CTNND2: variants seen among roughly 807,000 people sequenced by gnomAD.
The protein encoded by CTNND2 is catenin delta 2.
In CTNND2, 22 loss-of-function variants were observed where a neutral mutation model predicts 144.4. The ratio of observed to expected loss-of-function variants is 0.15; its 90% CI spans 0.11 to 0.22. CTNND2 has a LOEUF of 0.22. Ranked by LOEUF, CTNND2 falls within the 10% of genes least tolerant of loss-of-function variation. CTNND2 has a pLI of 1.00. For synonymous variants in CTNND2, 751 were observed against 695.6 expected (o/e 1.08, Z -1.25); for missense variants, 1,353 against 1,618.8 (o/e 0.84, Z 2.82).
chr5:11,428,067 G>A (rs867051076), intron 3 of CTNND2, among the ~76,000 whole-genome samples: 5 of 152,158 alleles, frequency 3.3e-5, no homozygotes, highest in Admixed American at 6.5e-5. Flanking sequence ...TCACCACCAC[G>A]AGAACAGCAT....
chr5:11,581,259 T>C (rs867376525), intron 2 of CTNND2, among the ~76,000 whole-genome samples: 13 of 152,174 alleles, frequency 8.5e-5, no homozygotes, highest in African/African-American at 3.1e-4. Context: ...TTTTTATTTT[T>C]TTATCTTATA....
chr5:11,341,858 A>G (rs1156784540), intron 9 of CTNND2, among the ~76,000 whole-genome samples: 1 of 151,984 alleles, frequency 6.6e-6, no homozygotes, highest in African/African-American at 2.4e-5. Context: ...AAATAATAAA[A>G]ACAATTTAAC....
intron 6 of CTNND2, among the ~76,000 whole-genome samples, chr5:11,387,767 C>T (rs1561319338): frequency 2.6e-5 from 4 of 152,266 alleles, no homozygotes; most frequent in African/African-American, 4.8e-5. Context: ...AGTACACTAA[C>T]GATGCCATTA....
intron 9 of CTNND2, among the ~76,000 whole-genome samples, chr5:11,262,116 G>C (rs1744917243): frequency 1.3e-5 from 2 of 152,090 alleles, no homozygotes; most frequent in African/African-American, 4.8e-5. Context: ...TACCAATCGA[G>C]ACGTAAGTTG....
At chr5:11,044,176 T>C (rs530684234) in intron 16 of CTNND2, among the ~76,000 whole-genome samples, 14 of 152,270 alleles carry the variant, frequency 9.2e-5, no homozygotes, top group Middle Eastern at 6.8e-3. Flanking sequence ...TTGGTAAGAA[T>C]GACTTCCTAG....
chr5:11,232,007 G>A (rs1310633503), intron 10 of CTNND2, among the ~76,000 whole-genome samples: 2 of 152,238 alleles, frequency 1.3e-5, no homozygotes, highest in Non-Finnish European at 2.9e-5. Flanking sequence ...CAGAGGGTGT[G>A]AGCCCCAAGC....
At chr5:11,176,156 CATT>C (rs937668767) in intron 11 of CTNND2, among the ~76,000 whole-genome samples, 110 of 152,258 alleles carry the variant, frequency 7.2e-4, no homozygotes, top group African/African-American at 2.6e-3. Context: ...TGCCCAATAT[CATT>C]ATTTTTCCTT....
chr5:11,703,088 G>A (rs1405266078), intron 2 of CTNND2, among the ~76,000 whole-genome samples: 1 of 152,200 alleles, frequency 6.6e-6, no homozygotes, highest in African/African-American at 2.4e-5. Flanking sequence ...CAGTGGGCTG[G>A]CTGGGGTTAA....
At chr5:11,000,260 CG>C (rs1739801519) in intron 18 of CTNND2, among the ~76,000 whole-genome samples, 1 of 152,222 alleles carries the variant, frequency 6.6e-6, no homozygotes, top group African/African-American at 2.4e-5. Context: ...CAGTGGCTCA[CG>C]CCTGTAATCC....
intron 3 of CTNND2, among the ~76,000 whole-genome samples, chr5:11,550,919 G>T (rs1363355124): frequency 6.6e-6 from 1 of 152,148 alleles, no homozygotes; most frequent in East Asian, 1.9e-4. Context: ...TCCCAATCCT[G>T]CCCTGTGTCC....
At chr5:11,647,715 C>T (rs1025945401) in intron 2 of CTNND2, among the ~76,000 whole-genome samples, 23 of 152,110 alleles carry the variant, frequency 1.5e-4, no homozygotes, top group Admixed American at 6.6e-5. Context: ...CTCAAGGTTG[C>T]ATCAGGACCT....
intron 1 of CTNND2, among the ~76,000 whole-genome samples, chr5:11,814,800 G>A (rs146853401): frequency 0.016 from 2,433 of 152,264 alleles, 22 homozygotes; most frequent in South Asian, 0.027. Flanking sequence ...AAGGATAGCA[G>A]AATAGCAACA....
chr5:11,163,690 T>A (rs1305601110), intron 11 of CTNND2, among the ~76,000 whole-genome samples: 2 of 152,142 alleles, frequency 1.3e-5, no homozygotes, highest in Non-Finnish European at 2.9e-5. Context: ...CTTACCTAAA[T>A]CCACTTGTTC....
intron 8 of CTNND2, among the ~76,000 whole-genome samples, chr5:11,364,397 T>C (rs866630151): frequency 6.6e-6 from 1 of 152,272 alleles, no homozygotes; most frequent in South Asian, 2.1e-4. Context: ...TTAGATTCAT[T>C]ACGTAAGTGA....
intron 15 of CTNND2, among the ~76,000 whole-genome samples, chr5:11,085,335 T>C (rs1050454066): frequency 1.3e-5 from 2 of 152,216 alleles, no homozygotes; most frequent in African/African-American, 4.8e-5. Flanking sequence ...AAAATAGCTT[T>C]CATTTTGAAA....
At chr5:11,149,696 C>T (rs10055024) in intron 12 of CTNND2, among the ~76,000 whole-genome samples, 60,081 of 151,834 alleles carry the variant, frequency 0.4, 12,029 homozygotes, top group Admixed American at 0.48. Context: ...TTTTATGTAG[C>T]AGACTGAAAA....
At chr5:11,853,991 C>A (rs1281309964) in intron 1 of CTNND2, among the ~76,000 whole-genome samples, 2 of 152,208 alleles carry the variant, frequency 1.3e-5, no homozygotes, top group Non-Finnish European at 2.9e-5. Context: ...TATGTCAGAT[C>A]ACATCACTTC....
At chr5:11,690,330 A>G (rs1784838031) in intron 2 of CTNND2, among the ~76,000 whole-genome samples, 1 of 152,250 alleles carries the variant, frequency 6.6e-6, no homozygotes, top group Non-Finnish European at 1.5e-5. Flanking sequence ...AACGTTACAA[A>G]CAAGAAAGCA....
intron 9 of CTNND2, among the ~76,000 whole-genome samples, chr5:11,272,688 C>T (rs1746142461): frequency 6.6e-6 from 1 of 152,174 alleles, no homozygotes; most frequent in Non-Finnish European, 1.5e-5. Flanking sequence ...AACTGCAGTA[C>T]AACTATGCCA....
Sources: allele counts gnomAD v4.1 joint callset (sites outside exome capture counted in the v4.1 genomes callset), GRCh38; gene constraint gnomAD v4.1.1; transcripts MANE v1.5; gene names NCBI Gene and HGNC (gene_info 2026-07-23, HGNC 2026-07-21).